FBXL7: variants seen among roughly 807,000 people sequenced by gnomAD.
FBXL7 encodes the protein F-box/LRR-repeat protein 7.
In FBXL7, 12 loss-of-function variants were observed where a neutral mutation model predicts 38.3. That is an observed-to-expected ratio of 0.31 (90% CI 0.20 to 0.51). The LOEUF (loss-of-function observed/expected upper bound fraction) is 0.51. Among genes scored for constraint, FBXL7 ranks in the 20% least tolerant of loss-of-function variants. The pLI, the probability that FBXL7 is intolerant of heterozygous loss-of-function variation, is 0.98. For synonymous variants in FBXL7, 297 were observed against 300.9 expected (o/e 0.99, Z 0.13); for missense variants, 567 against 676.4 (o/e 0.84, Z 1.79).
At chr5:15,840,897 T>C (rs1395509482) in intron 2 of FBXL7, among the ~76,000 whole-genome samples, 3 of 150,038 alleles carry the variant, frequency 2.0e-5, no homozygotes, top group African/African-American at 7.4e-5. Context: ...CATTTTGTAA[T>C]ATTTTTGATA....
chr5:15,845,262 G>T (rs970043304), intron 2 of FBXL7, among the ~76,000 whole-genome samples: 1 of 152,150 alleles, frequency 6.6e-6, no homozygotes, highest in Non-Finnish European at 1.5e-5. Flanking sequence ...CTTCTGATGC[G>T]GTGAATTGAC....
intron 1 of FBXL7, among the ~76,000 whole-genome samples, chr5:15,575,255 T>G (rs974373198): frequency 1.3e-5 from 2 of 152,244 alleles, no homozygotes; most frequent in Non-Finnish European, 2.9e-5. Flanking sequence ...GTCTTTAACT[T>G]ATTCTGCCAT....
At chr5:15,769,387 G>A (rs1031211606) in intron 2 of FBXL7, among the ~76,000 whole-genome samples, 2 of 152,154 alleles carry the variant, frequency 1.3e-5, no homozygotes, top group Admixed American at 6.5e-5. Flanking sequence ...GAGAAATCTA[G>A]CATTACCCAG....
At position 15,537,158 on chromosome 5, in the gene FBXL7, T is replaced by C. The variant is rs112733387; in HGVS notation, c.37+36445T>C. On this transcript the variant is annotated intron_variant, in intron 1 of 3. Transcript: ENST00000504595. ...GAGTCAATTAAATCTCTTTTGTTTATAAATTACCCAGTCTCATCTATTCTT... is the reference window on the plus strand; with the variant it reads ...GAGTCAATTAAATCTCTTTTGTTTACAAATTACCCAGTCTCATCTATTCTT... Among the ~76,000 whole-genome samples the C allele has an allele frequency of 3.8e-3, 578 of 152,382 alleles. 6 individuals carry two copies. Among genetic ancestry groups the C allele is most frequent in the African/African-American group, 0.013 (533 of 41,594 alleles).
chr5:15,869,526 T>G (rs1739861737), intron 2 of FBXL7, among the ~76,000 whole-genome samples: 1 of 152,194 alleles, frequency 6.6e-6, no homozygotes, highest in South Asian at 2.1e-4. Flanking sequence ...TGCTTTCCAA[T>G]ATAATATAGA....
At chr5:15,680,459 C>T (rs1253609155) in intron 2 of FBXL7, among the ~76,000 whole-genome samples, 4 of 152,070 alleles carry the variant, frequency 2.6e-5, no homozygotes, top group Non-Finnish European at 5.9e-5. Context: ...CTAGTTTCAC[C>T]TTCCTGACTT....
intron 2 of FBXL7, among the ~76,000 whole-genome samples, chr5:15,753,745 G>T (rs952265465): frequency 1.3e-5 from 2 of 152,184 alleles, no homozygotes; most frequent in African/African-American, 2.4e-5. Flanking sequence ...GTCTGCAGGG[G>T]AAGTAAAAAT....
intron 2 of FBXL7, among the ~76,000 whole-genome samples, chr5:15,695,261 A>C (rs537794314): frequency 6.6e-6 from 1 of 152,020 alleles, no homozygotes; most frequent in Non-Finnish European, 1.5e-5. Context: ...ATCCTCCCCC[A>C]AAACAGCTCC....
chr5:15,571,934 G>A lies in FBXL7; in HGVS notation c.38-44049G>A, dbSNP rs574514118. Among the ~76,000 whole-genome samples, 167 of 152,216 alleles carry A rather than the reference G, an allele frequency of 1.1e-3. 1 individual carries two copies. The highest frequency in any genetic ancestry group is 1.9e-3 in the Non-Finnish European group (131 of 67,998). On this transcript the variant is annotated intron_variant, in intron 1 of 3. Transcript: ENST00000504595. ...CCCACACATGCCCCATCTCTTACCC[G>A]GTTATGAACACACAGAATTAGCCCA...
chr5:15,598,059 G>A (rs1739677642), intron 1 of FBXL7, among the ~76,000 whole-genome samples: 1 of 152,122 alleles, frequency 6.6e-6, no homozygotes, highest in African/African-American at 2.4e-5. Context: ...TGATAAAAGG[G>A]CTGTAAATGC....
At position 15,541,441 on chromosome 5, in the gene FBXL7, GTGTATATATATATATA is replaced by G. The variant is rs1195406758; in HGVS notation, c.37+40730_37+40745del. 2.4e-3 allele frequency among the ~76,000 whole-genome samples: 128 copies of G among 53,370 alleles called. 2 individuals carry two copies. The highest frequency in any genetic ancestry group is 9.1e-3 in the Admixed American group (32 of 3,508). The allele number at this position is 53,370 out of a possible 152,430, so 35.0% of individuals were successfully genotyped here. A position where few individuals can be genotyped will look rare whatever the true frequency, so the allele number is the denominator to read the frequency against. ...ATACATATAGTATATATGTGTGTGT[GTGTATATATATATATA>G]TATATATATATATATATATATATAA... is the stretch of plus-strand genomic sequence containing the variant. On this transcript the variant is annotated intron_variant, in intron 1 of 3. Transcript: ENST00000504595.
At chr5:15,571,737 T>C (rs1262768765) in intron 1 of FBXL7, among the ~76,000 whole-genome samples, 3 of 151,824 alleles carry the variant, frequency 2.0e-5, no homozygotes, top group Non-Finnish European at 4.4e-5. Context: ...GGCTTTTGGG[T>C]GAGGTATTGT....
intron 2 of FBXL7, among the ~76,000 whole-genome samples, chr5:15,916,587 G>A (rs1259822874): frequency 6.6e-6 from 1 of 152,154 alleles, no homozygotes; most frequent in Non-Finnish European, 1.5e-5. Flanking sequence ...GCAGAAGAGA[G>A]GACAGTGTTG....
At chr5:15,622,821 C>T (rs1191210170) in intron 2 of FBXL7, among the ~76,000 whole-genome samples, 1 of 152,212 alleles carries the variant, frequency 6.6e-6, no homozygotes, top group Admixed American at 6.5e-5. Context: ...TCTCCTGCTT[C>T]AGCCTCCCAA....
intron 1 of FBXL7, among the ~76,000 whole-genome samples, chr5:15,505,225 A>T (rs920141769): frequency 1.3e-5 from 2 of 152,212 alleles, no homozygotes; most frequent in African/African-American, 4.8e-5. Context: ...CTTGCCATGC[A>T]GCGACCCACT....
chr5:15,740,894 A>G (rs1238282898), intron 2 of FBXL7, among the ~76,000 whole-genome samples: 2 of 152,230 alleles, frequency 1.3e-5, no homozygotes, highest in Admixed American at 6.5e-5. Context: ...TGTTTAAACA[A>G]AGAGAAGAAC....
At chr5:15,902,343 G>A (rs914683941) in intron 2 of FBXL7, among the ~76,000 whole-genome samples, 1 of 152,308 alleles carries the variant, frequency 6.6e-6, no homozygotes, top group South Asian at 2.1e-4. Context: ...CGTTGCATCC[G>A]TGTCCACACA....
At chr5:15,894,004 C>T (rs890027127) in intron 2 of FBXL7, among the ~76,000 whole-genome samples, 4 of 152,192 alleles carry the variant, frequency 2.6e-5, no homozygotes, top group Non-Finnish European at 4.4e-5. Context: ...AATATTAGTC[C>T]CAGCCAGGCG....
At chr5:15,706,439 A>G (rs1466090451) in intron 2 of FBXL7, among the ~76,000 whole-genome samples, 1 of 152,246 alleles carries the variant, frequency 6.6e-6, no homozygotes, top group Non-Finnish European at 1.5e-5. Context: ...CAGAGCCTGC[A>G]GAACCATGAG....
Sources: gnomAD v4.1 joint callset for allele counts (sites outside exome capture counted in the v4.1 genomes callset) on GRCh38, gnomAD v4.1.1 for gene constraint, MANE v1.5 for transcripts, NCBI Gene and HGNC (gene_info 2026-07-23, HGNC 2026-07-21) for gene names.